Variants in DNAH7 observed in about 807,000 individuals in gnomAD.
DNAH7 encodes axonemal beta dynein heavy chain 7.
In DNAH7, 397 loss-of-function variants were observed where a neutral mutation model predicts 444.6. The observed-to-expected ratio is 0.89, with a 90% CI of 0.82 to 0.97. The LOEUF (loss-of-function observed/expected upper bound fraction) is 0.97, where lower values mean the gene tolerates loss of function less well. Ranked by LOEUF, DNAH7 falls within the 50% of genes least tolerant of loss-of-function variation. The pLI is 0.00. For missense variants in DNAH7, 4,902 were observed against 4,800.8 expected (o/e 1.02, Z -0.62); for synonymous variants, 1,636 against 1,624.4 (o/e 1.01, Z -0.17).
intron 35 of DNAH7, among the ~76,000 whole-genome samples, chr2:195,883,886 T>A (rs75408513): frequency 0.018 from 2,765 of 152,128 alleles, 93 homozygotes; most frequent in African/African-American, 0.063. Flanking sequence ...CTTATAAAAG[T>A]GAGAATCTAA....
Position 195,958,483 on chromosome 2 carries a change from G to A in DNAH7, c.2892-1036C>T, listed in dbSNP as rs546769700. Among the ~76,000 whole-genome samples the A allele has an allele frequency of 2.0e-5, 3 of 152,228 alleles. No individual in the cohort carries two copies. In the East Asian group the frequency reaches 5.8e-4, roughly 29 times the overall value. ...TTTGAGGAGTCAAAAGTTATATGCAGGTTTTCAACTGTGTGGGGGGTCAGC... is the reference window on the plus strand; with the variant it reads ...TTTGAGGAGTCAAAAGTTATATGCAAGTTTTCAACTGTGTGGGGGGTCAGC... On this transcript the variant is annotated intron_variant, in intron 18 of 64. Coordinates refer to ENST00000312428, the MANE Select transcript of DNAH7 (RefSeq NM_018897.3).
intron 54 of DNAH7, among the ~76,000 whole-genome samples, chr2:195,802,423 C>G (rs757402684): frequency 1.3e-5 from 2 of 152,118 alleles, no homozygotes; most frequent in Non-Finnish European, 2.9e-5. Context: ...TCACTTGAAC[C>G]CGGGAGGTGG....
At chr2:195,770,619 G>A (rs562595569) in intron 61 of DNAH7, among the ~76,000 whole-genome samples, 2 of 152,232 alleles carry the variant, frequency 1.3e-5, no homozygotes, top group Admixed American at 1.3e-4. Flanking sequence ...ATTCCTCAGA[G>A]GGACCTGACC....
At chr2:195,838,900 G>A (rs1316166458) in intron 47 of DNAH7, among the ~76,000 whole-genome samples, 1 of 151,832 alleles carries the variant, frequency 6.6e-6, no homozygotes, top group African/African-American at 2.4e-5. Context: ...AGTCTTTAAT[G>A]TGTATGCCTC....
intron 28 of DNAH7, among the ~76,000 whole-genome samples, chr2:195,898,520 A>G (rs528357623): frequency 1.3e-4 from 20 of 152,332 alleles, no homozygotes; most frequent in African/African-American, 3.8e-4. Context: ...CTATGCTTAT[A>G]TATCATCAGT....
intron 1 of DNAH7, among the ~76,000 whole-genome samples, chr2:196,064,629 T>C (rs900406796): frequency 3.3e-5 from 5 of 152,214 alleles, no homozygotes; most frequent in African/African-American, 9.6e-5. Flanking sequence ...TTACTACATA[T>C]GATTGTCAAA....
intron 51 of DNAH7, among the ~76,000 whole-genome samples, chr2:195,812,365 A>G (rs1037952006): frequency 6.6e-6 from 1 of 152,186 alleles, no homozygotes; most frequent in Non-Finnish European, 1.5e-5. Flanking sequence ...TGGGCGGCAG[A>G]CAGGAAGAAC....
At chr2:195,790,016 T>A (rs1276453087) in intron 57 of DNAH7, among the ~76,000 whole-genome samples, 3 of 152,078 alleles carry the variant, frequency 2.0e-5, no homozygotes, top group Admixed American at 6.5e-5. Flanking sequence ...GAGCAGCATT[T>A]CCATACACCA....
intron 16 of DNAH7, among the ~76,000 whole-genome samples, 160 bp downstream of exon 16, chr2:195,972,082 A>G (rs544672723): frequency 6.6e-6 from 1 of 152,302 alleles, no homozygotes; most frequent in South Asian, 2.1e-4. Flanking sequence ...AAGATCCAAT[A>G]TATTACTGTC....
At chr2:195,872,538 AT>A in intron 39 of DNAH7, 69 bp from the exon 40 acceptor site, 1 of 1,008,770 alleles carries the variant, frequency 9.9e-7, no homozygotes, top group Non-Finnish European at 1.4e-6. Context: ...CAAAAAGGAT[AT>A]TTAGCAGGAC....
intron 49 of DNAH7, among the ~76,000 whole-genome samples, chr2:195,820,473 A>C (rs1697409097): frequency 6.6e-6 from 1 of 152,086 alleles, no homozygotes; most frequent in South Asian, 2.1e-4. Flanking sequence ...TAAAAAAAAA[A>C]AAAAGAAATA....
At chr2:196,047,940 T>C (rs925434030) in intron 4 of DNAH7, among the ~76,000 whole-genome samples, 1 of 152,034 alleles carries the variant, frequency 6.6e-6, no homozygotes, top group African/African-American at 2.4e-5. Context: ...GGAAGTCATG[T>C]TCACAATTTA....
chr2:195,856,884 G>A (rs932408725), intron 44 of DNAH7, among the ~76,000 whole-genome samples: 1 of 151,868 alleles, frequency 6.6e-6, no homozygotes, highest in African/African-American at 2.4e-5. Flanking sequence ...GAATGAAGAA[G>A]CAGATTTTGG....
intron 27 of DNAH7, chr2:195,905,826 CT>C (rs1686980752): frequency 6.6e-6 from 1 of 151,700 alleles, no homozygotes; most frequent in South Asian, 2.1e-4. Context: ...AAATTGAGAA[CT>C]GATATGGGAT....
Position 196,058,080 on chromosome 2 carries a change from C to T in DNAH7, c.52G>A (p.Val18Ile), listed in dbSNP as rs749003331. The T allele has an allele frequency of 1.9e-6, 3 of 1,576,850 alleles. No individual in the cohort carries two copies. The Admixed American group carries it at 5.4e-5, about 29-fold the overall frequency. The change falls in exon 2 of 65, where the codon GTA becomes ATA. Residue 18 changes from valine (V) to isoleucine (I), a missense_variant. Coordinates refer to ENST00000312428, the MANE Select transcript of DNAH7 (RefSeq NM_018897.3). ...ATAGACAGCTGTGGTAGAAATCTTACTGGTTTCTTGGATTTTTCTTTGCTG... is the reference window on the plus strand; with the variant it reads ...ATAGACAGCTGTGGTAGAAATCTTATTGGTTTCTTGGATTTTTCTTTGCTG... ...SASKEKSKKP[V>I]RFLPQLSMEK...
chr2:195,950,851 C>G (rs1188002893), intron 19 of DNAH7, among the ~76,000 whole-genome samples: 1 of 36,714 alleles, frequency 2.7e-5, no homozygotes, highest in Non-Finnish European at 4.7e-5. Context: ...GACTCTGTCT[C>G]AAAAAAAAAA....
At chr2:195,899,675 A>T (rs1263880045) in intron 28 of DNAH7, among the ~76,000 whole-genome samples, 1 of 152,252 alleles carries the variant, frequency 6.6e-6, no homozygotes, top group East Asian at 1.9e-4. Context: ...AAATTTTGCA[A>T]GCTCCAAGGT....
At chr2:195,868,369 C>T (rs1423214156) in intron 40 of DNAH7, among the ~76,000 whole-genome samples, 1 of 151,928 alleles carries the variant, frequency 6.6e-6, no homozygotes, top group African/African-American at 2.4e-5. Flanking sequence ...CAGGTGTGAG[C>T]CACCACGCCT....
In DNAH7 at chr2:195,952,414, C is replaced by T. The variant is rs1254861916; in HGVS notation, c.3078+4847G>A. On this transcript the variant is annotated intron_variant, in intron 19 of 64. Transcript: ENST00000312428. ...CTGACGACTATGTGTCTTGGGGTTGCTCTTCTCGAGGAGTATCTCTGTGGT... is the reference window on the plus strand; with the variant it reads ...CTGACGACTATGTGTCTTGGGGTTGTTCTTCTCGAGGAGTATCTCTGTGGT... 2.6e-5 allele frequency among the ~76,000 whole-genome samples: 4 copies of T among 152,090 alleles called. No homozygotes were observed. In the East Asian group the frequency reaches 7.7e-4, roughly 29 times the overall value.
Sources: allele counts gnomAD v4.1 joint callset (sites outside exome capture counted in the v4.1 genomes callset), GRCh38; gene constraint gnomAD v4.1.1; transcripts MANE v1.5; gene names NCBI Gene and HGNC (gene_info 2026-07-23, HGNC 2026-07-21).